VPS13A: variants seen among roughly 807,000 people sequenced by gnomAD.
VPS13A encodes the protein vacuolar protein sorting 13 homolog A.
Under a neutral mutation model 390.9 loss-of-function variants are expected in VPS13A, and 264 were observed. The ratio of observed to expected loss-of-function variants is 0.68; its 90% CI spans 0.61 to 0.75. VPS13A has a LOEUF of 0.75. Ranked by LOEUF, VPS13A falls within the 30% of genes least tolerant of loss-of-function variation. VPS13A has a pLI of 0.00. For synonymous variants in VPS13A, 1,231 were observed against 1,227.1 expected (o/e 1.00, Z -0.07); for missense variants, 3,409 against 3,733.9 (o/e 0.91, Z 2.27).
intron 22 of VPS13A, among the ~76,000 whole-genome samples, chr9:77,258,875 A>G (rs925140541): frequency 6.6e-6 from 1 of 152,128 alleles, no homozygotes; most frequent in Non-Finnish European, 1.5e-5. Context: ...TGGAAGTTAC[A>G]GGGTACCAGA....
intron 46 of VPS13A, among the ~76,000 whole-genome samples, chr9:77,333,426 A>AT (rs34369162): frequency 0.21 from 22,258 of 107,330 alleles, 2,861 homozygotes; most frequent in East Asian, 0.38. Context: ...CTCATTAGGC[A>AT]TTTTTTTTTT....
intron 33 of VPS13A, among the ~76,000 whole-genome samples, chr9:77,301,657 G>T (rs1216504544): frequency 1.3e-5 from 2 of 152,098 alleles, no homozygotes; most frequent in African/African-American, 4.8e-5. Flanking sequence ...TCACTTTGAG[G>T]TACAATGGGA....
At chr9:77,207,225 AT>A (rs1564630164) in intron 5 of VPS13A, among the ~76,000 whole-genome samples, 1 of 88,444 alleles carries the variant, frequency 1.1e-5, no homozygotes, top group African/African-American at 3.7e-5. Context: ...ATATATATAT[AT>A]ATATATATAT....
chr9:77,239,529 A>G (rs1824347138), intron 19 of VPS13A, among the ~76,000 whole-genome samples: 1 of 151,196 alleles, frequency 6.6e-6, no homozygotes, highest in African/African-American at 2.4e-5. Context: ...TTTATTTTTG[A>G]TCTGATGTCA....
chr9:77,273,205 TTGAATAAACATTTTTTGAATAAGCGG>T, intron 23 of VPS13A, 49 bp from the exon 24 acceptor site: 1 of 1,174,314 alleles, frequency 8.5e-7, no homozygotes, highest in Non-Finnish European at 1.2e-6. Flanking sequence ...TTGTAGAACT[TTGAATAAACATTTTTTGAATAAGCGG>T]TGAATAAACA....
At position 77,200,224 on chromosome 9, in the gene VPS13A, T is replaced by C. The variant is rs11145329; in HGVS notation, c.144+236T>C. Reference sequence around the variant, plus strand: ...GTTTTAGGCTGGGCATGGTGGCTCATGCCTGTAATCCCAGCACTTTGGGAG... The same window carrying C: ...GTTTTAGGCTGGGCATGGTGGCTCACGCCTGTAATCCCAGCACTTTGGGAG... On this transcript the variant is annotated intron_variant, in intron 2 of 71. Coordinates refer to ENST00000360280, the MANE Select transcript of VPS13A (RefSeq NM_033305.3). Among the ~76,000 whole-genome samples the C allele has an allele frequency of 0.49, 75,184 of 151,996 alleles. 18,814 individuals carry two copies. The highest frequency in any genetic ancestry group is 0.6 in the South Asian group (2,894 of 4,816).
In VPS13A at chr9:77,316,334, T is replaced by G; in HGVS notation, c.4791T>G (p.Thr1597=). The change falls in exon 39 of 72, where the codon ACT becomes ACG. Residue 1597 remains threonine (T), a synonymous_variant. Coordinates refer to ENST00000360280, the MANE Select transcript of VPS13A (RefSeq NM_033305.3). The part of the protein sequence containing the change: ...YKGNLENSTM[T]AAIKDLQVRA... The stretch of plus-strand genomic sequence containing the variant: ...GTAACCTTGAAAATAGTACAATGAC[T>G]GCTGCCATTAAAGATCTCCAAGTGA... 1 of 1,613,268 alleles carries G rather than the reference T, an allele frequency of 6.2e-7. No homozygotes were observed. The highest frequency in any genetic ancestry group is 2.2e-5 in the East Asian group (1 of 44,808).
chr9:77,235,478 G>C (rs1018727928), intron 17 of VPS13A, among the ~76,000 whole-genome samples: 4 of 152,032 alleles, frequency 2.6e-5, no homozygotes, highest in African/African-American at 9.7e-5. Context: ...GATTTTCCTT[G>C]TTTTAGCTTT....
chr9:77,307,636 TAGAC>T (rs1422902472), intron 34 of VPS13A, among the ~76,000 whole-genome samples: 2 of 152,214 alleles, frequency 1.3e-5, no homozygotes, highest in Non-Finnish European at 2.9e-5. Context: ...AAATCCAAAG[TAGAC>T]AGATAACTAC....
At chr9:77,264,546 C>T (rs576304591) in intron 23 of VPS13A, among the ~76,000 whole-genome samples, 102 of 152,194 alleles carry the variant, frequency 6.7e-4, no homozygotes, top group African/African-American at 2.4e-3. Flanking sequence ...TTATTTTATT[C>T]TCTTTGAAGC....
At chr9:77,185,440 C>T (rs185641237) in intron 1 of VPS13A, among the ~76,000 whole-genome samples, 3 of 152,040 alleles carry the variant, frequency 2.0e-5, no homozygotes, top group Admixed American at 6.5e-5. Context: ...GCGCCCGGCT[C>T]GATATGACAC....
intron 63 of VPS13A, 27 bp downstream of exon 63, chr9:77,369,439 C>A: frequency 1.5e-6 from 2 of 1,328,980 alleles, no homozygotes; most frequent in Non-Finnish European, 2.2e-6. Context: ...TGTGGTTGTG[C>A]AATATGTCAC....
At chr9:77,282,565 A>G (rs117168223) in intron 29 of VPS13A, among the ~76,000 whole-genome samples, 31 of 152,216 alleles carry the variant, frequency 2.0e-4, no homozygotes, top group Non-Finnish European at 3.8e-4. Flanking sequence ...TCCCAGTAGG[A>G]GGATTAGATT....
chr9:77,384,688 CAT>C (rs764790229), intron 68 of VPS13A: 10 of 1,596,742 alleles, frequency 6.3e-6, no homozygotes, highest in South Asian at 1.1e-5. Context: ...CATTAAAATT[CAT>C]ATGTTCTTTA....
At chr9:77,221,125 G>A in intron 12 of VPS13A, 60 bp from the exon 13 acceptor site, 2 of 1,488,808 alleles carry the variant, frequency 1.3e-6, no homozygotes, top group Non-Finnish European at 1.9e-6. Flanking sequence ...TAGAAGCAAT[G>A]TCAGTAATGT....
At chr9:77,397,190 C>A (rs934695319) in intron 68 of VPS13A, among the ~76,000 whole-genome samples, 13 of 152,016 alleles carry the variant, frequency 8.6e-5, no homozygotes, top group African/African-American at 2.7e-4. Flanking sequence ...GGGGTCTCAC[C>A]GTGTTGGCCA....
At chr9:77,378,833 T>C (rs2131606863) in intron 67 of VPS13A, among the ~76,000 whole-genome samples, 1 of 152,146 alleles carries the variant, frequency 6.6e-6, no homozygotes, top group East Asian at 1.9e-4. Flanking sequence ...ATCTATAAAT[T>C]TCCCTCTGAG....
At chr9:77,376,018 G>A (rs1833047794) in intron 67 of VPS13A, among the ~76,000 whole-genome samples, 1 of 152,190 alleles carries the variant, frequency 6.6e-6, no homozygotes, top group Non-Finnish European at 1.5e-5. Flanking sequence ...TGGTAGGGAG[G>A]AGGGTTGCTA....
At chr9:77,208,841 T>C (rs1426437355) in intron 5 of VPS13A, among the ~76,000 whole-genome samples, 2 of 152,208 alleles carry the variant, frequency 1.3e-5, no homozygotes, top group Non-Finnish European at 1.5e-5. Flanking sequence ...TGAGCCACCT[T>C]GCCCCTCCAA....
Sources: allele counts gnomAD v4.1 joint callset (sites outside exome capture counted in the v4.1 genomes callset), GRCh38; gene constraint gnomAD v4.1.1; transcripts MANE v1.5; gene names NCBI Gene and HGNC (gene_info 2026-07-23, HGNC 2026-07-21).